Variants in NAV1 observed in about 807,000 individuals in gnomAD.
NAV1 encodes the protein neuron navigator 1.
NAV1 carries 18 observed loss-of-function variants against 175.2 expected under a neutral mutation model. The observed-to-expected ratio is 0.10, with a 90% CI of 0.07 to 0.15. The LOEUF (loss-of-function observed/expected upper bound fraction) is 0.15. Among genes scored for constraint, NAV1 ranks in the 10% least tolerant of loss-of-function variants. The pLI, the probability that NAV1 is intolerant of heterozygous loss-of-function variation, is 1.00. For missense variants in NAV1, 1,731 were observed against 2,436.6 expected, an observed-to-expected ratio of 0.71 and a Z score of 6.10; for synonymous variants, 897 against 978.7, an observed-to-expected ratio of 0.92 and a Z score of 1.56.
intron 3 of NAV1, chr1:201,737,345 AC>A (rs1294323916): frequency 6.6e-6 from 1 of 152,222 alleles, no homozygotes; most frequent in African/African-American, 2.4e-5. Context: ...GGAAAGAGGA[AC>A]TTATAGCAGG....
At chr1:201,651,057 G>A (rs1411241462) in intron 1 of NAV1, among the ~76,000 whole-genome samples, 1 of 151,222 alleles carries the variant, frequency 6.6e-6, no homozygotes, top group Non-Finnish European at 1.5e-5. Context: ...TGGACAAAAT[G>A]CAACTGGCCC....
At chr1:201,543,622 A>G (rs146659929) in intron 1 of NAV1, among the ~76,000 whole-genome samples, 1,816 of 152,224 alleles carry the variant, frequency 0.012, 11 homozygotes, top group Middle Eastern at 0.041. Context: ...ACTTTTCATT[A>G]TAATTAGTGT....
Position 201,812,395 on chromosome 1 carries a change from T to C in NAV1, c.5025-70T>C. On this transcript the variant is annotated intron_variant, in intron 26 of 29. Coordinates refer to ENST00000367296, the Ensembl canonical transcript of NAV1. The surrounding 1 kb of genome is among the most constrained non-coding windows in gnomAD (Gnocchi z 4.6). ...GAAGCAGGCAGAAGGAGGGACAGACTGGCAGGGGCTGAACCCTGACAATGT... is the reference window on the plus strand; with the variant it reads ...GAAGCAGGCAGAAGGAGGGACAGACCGGCAGGGGCTGAACCCTGACAATGT... 3 of 1,479,550 alleles carry C rather than the reference T, an allele frequency of 2.0e-6. No individual in the cohort carries two copies. The highest frequency in any genetic ancestry group is 2.8e-6 in the Non-Finnish European group (3 of 1,069,680). The allele number at this position is 1,479,550 out of a possible 1,614,324, so 91.7% of individuals were successfully genotyped here.
intron 1 of NAV1, among the ~76,000 whole-genome samples, chr1:201,711,904 C>T (rs1042440084): frequency 6.6e-6 from 1 of 152,204 alleles, no homozygotes. Context: ...TGCTCAAGCA[C>T]CTCTCAGTCA....
chr1:201,773,542 CA>C (rs1675730477), intron 3 of NAV1, among the ~76,000 whole-genome samples: 3 of 152,040 alleles, frequency 2.0e-5, no homozygotes, highest in Middle Eastern at 3.4e-3. Context: ...AGAGCAAAGG[CA>C]GGGGAAAGTT....
intron 3 of NAV1, among the ~76,000 whole-genome samples, chr1:201,732,077 T>C (rs1434944847): frequency 1.3e-5 from 2 of 152,004 alleles, no homozygotes; most frequent in African/African-American, 2.4e-5. Flanking sequence ...CCCTGAAGTT[T>C]GGAAGGCAAC....
chr1:201,803,839 G>A, intron 16 of NAV1, 125 bp downstream of exon 20: 1 of 1,247,748 alleles, frequency 8.0e-7, no homozygotes, highest in Middle Eastern at 2.2e-4. Flanking sequence ...GAGCCCTAGT[G>A]TGATGTCCGC....
In NAV1 at chr1:201,712,786, C is replaced by G. The variant is rs367836160; in HGVS notation, c.758-31C>G. On this transcript the variant is annotated intron_variant, in intron 1 of 29. Transcript: ENST00000367296. ...GGATCCCAGCATTAAGTTCTCTTCA[C>G]TCACCCAGCTCTTCCTTCTCTCCCT... 10 of 1,490,310 alleles carry G rather than the reference C, an allele frequency of 6.7e-6. No homozygotes were observed. The African/African-American group carries it at 1.4e-4, about 21-fold the overall frequency. 92.3% of individuals were successfully genotyped at this position (1,490,310 alleles called of 1,614,324 possible). A position where few individuals can be genotyped will look rare whatever the true frequency, so the allele number is the denominator to read the frequency against.
intron 1 of NAV1, among the ~76,000 whole-genome samples, chr1:201,578,313 CA>C (rs772693710): frequency 3.3e-5 from 5 of 152,222 alleles, no homozygotes; most frequent in East Asian, 1.9e-4. Flanking sequence ...CTGTATTTTT[CA>C]GTTTAAAATT....
chr1:201,546,296 G>C (rs1443924032), intron 1 of NAV1, among the ~76,000 whole-genome samples: 1 of 152,186 alleles, frequency 6.6e-6, no homozygotes, highest in African/African-American at 2.4e-5. Context: ...TCTGGGTATA[G>C]TTCGCTTTAC....
rs1678747833 is a variant in NAV1 at position 201,812,389 on chromosome 1, AC to A, written c.5025-75del. On this transcript the variant is annotated intron_variant, in intron 26 of 29. Coordinates refer to ENST00000367296, the Ensembl canonical transcript of NAV1. The surrounding 1 kb of genome is among the most constrained non-coding windows in gnomAD (Gnocchi z 4.6). ...TAGTGAGAAGCAGGCAGAAGGAGGG[AC>A]AGACTGGCAGGGGCTGAACCCTGAC... 1 of 1,432,260 alleles carries A rather than the reference AC, an allele frequency of 7.0e-7. No homozygotes were observed. The highest frequency in any genetic ancestry group is 1.2e-5 in the South Asian group (1 of 82,628). The allele number at this position is 1,432,260 out of a possible 1,614,324, so 88.7% of individuals were successfully genotyped here. A position where few individuals can be genotyped will look rare whatever the true frequency, so the allele number is the denominator to read the frequency against.
intron 3 of NAV1, among the ~76,000 whole-genome samples, chr1:201,733,737 G>A (rs1228182721): frequency 2.6e-5 from 4 of 152,124 alleles, no homozygotes; most frequent in Non-Finnish European, 4.4e-5. Context: ...AAGAGTATAT[G>A]CAAAGGCCCA....
chr1:201,768,396 G>C (rs1207606695), intron 3 of NAV1, among the ~76,000 whole-genome samples: 1 of 150,904 alleles, frequency 6.6e-6, no homozygotes, highest in Non-Finnish European at 1.5e-5. Flanking sequence ...CTAGCATTTT[G>C]GGAGTCCAAG....
At chr1:201,804,261 T>C (rs1337828924) in intron 16 of NAV1, among the ~76,000 whole-genome samples, 2 of 152,188 alleles carry the variant, frequency 1.3e-5, no homozygotes, top group Admixed American at 6.5e-5. Flanking sequence ...ATGACCTTTC[T>C]GAAATTCTTC....
At chr1:201,743,575 G>A (rs1404082341) in intron 3 of NAV1, among the ~76,000 whole-genome samples, 1 of 152,166 alleles carries the variant, frequency 6.6e-6, no homozygotes, top group Non-Finnish European at 1.5e-5. Context: ...TTAAACATGT[G>A]GGCTTTGATA....
intron 2 of NAV1, among the ~76,000 whole-genome samples, chr1:201,612,907 G>A (rs1261666557): frequency 6.6e-6 from 1 of 151,992 alleles, no homozygotes; most frequent in Non-Finnish European, 1.5e-5. Context: ...GCAGCAGTAC[G>A]AGTCATATCT....
In NAV1 at chr1:201,807,145, T is replaced by TA. The variant is rs1306978103; in HGVS notation, c.3649-806dup. 1.3e-5 allele frequency among the ~76,000 whole-genome samples: 2 copies of TA among 152,128 alleles called. No homozygotes were observed. The highest frequency in any genetic ancestry group is 4.8e-5 in the African/African-American group (2 of 41,418). On this transcript the variant is annotated intron_variant, in intron 17 of 29. Transcript: ENST00000367296. This position sits in a 1 kb window ranked among gnomAD's most constrained non-coding sequence, Gnocchi z 5.4. ...GGTTTGCATCTCTAGCTCACATCCCTAACACCCAAGCTCATCAACACCAAG... is the reference window on the plus strand; with the variant it reads ...GGTTTGCATCTCTAGCTCACATCCCTAAACACCCAAGCTCATCAACACCAAG...
chr1:201,655,989 G>C (rs568717611), intron 1 of NAV1, among the ~76,000 whole-genome samples: 1 of 152,212 alleles, frequency 6.6e-6, no homozygotes, highest in Non-Finnish European at 1.5e-5. Context: ...GTAGAGATGG[G>C]AGGGCATGGA....
intron 1 of NAV1, among the ~76,000 whole-genome samples, chr1:201,546,281 C>A (rs946941165): frequency 6.6e-6 from 1 of 152,198 alleles, no homozygotes; most frequent in Non-Finnish European, 1.5e-5. Context: ...TGCTCTTCAT[C>A]GCCCTCTGGG....
Sources: gnomAD v4.1 joint callset for allele counts (sites outside exome capture counted in the v4.1 genomes callset) on GRCh38, gnomAD v4.1.1 for gene constraint, Gnocchi (gnomAD v3.1) non-coding constraint, MANE v1.5 for transcripts, NCBI Gene and HGNC (gene_info 2026-07-23, HGNC 2026-07-21) for gene names.